The following HERPUD2 variants were observed in gnomAD, a reference collection of about 807,000 sequenced individuals.
HERPUD2 encodes homocysteine-responsive endoplasmic reticulum-resident ubiquitin-like domain member 2 protein.
A neutral mutation model predicts 49.9 loss-of-function variants in HERPUD2; 13 were observed. That is an observed-to-expected ratio of 0.26 (90% CI 0.17 to 0.41). The LOEUF is 0.41. HERPUD2 is among the 10% of genes least tolerant of loss of function. The probability of loss-of-function intolerance (pLI) is 1.00; values close to 1 mark genes in which losing one functional copy is unlikely to be tolerated. For missense variants in HERPUD2, 449 were observed against 492.2 expected (o/e 0.91, Z 0.83); for synonymous variants, 172 against 171.4 (o/e 1.00, Z -0.03).
chr7:35,644,043 T>C (rs1785009293), intron 5 of HERPUD2, among the ~76,000 whole-genome samples: 1 of 152,138 alleles, frequency 6.6e-6, no homozygotes, highest in Non-Finnish European at 1.5e-5. Context: ...CATAAGCATA[T>C]ATACATACAA....
chr7:35,645,949 G>A (rs866232041), intron 5 of HERPUD2, among the ~76,000 whole-genome samples: 2 of 152,080 alleles, frequency 1.3e-5, no homozygotes, highest in South Asian at 4.1e-4. Flanking sequence ...CCACTCACAT[G>A]TATTACCTCT....
intron 5 of HERPUD2, among the ~76,000 whole-genome samples, chr7:35,645,427 A>G (rs1419156876): frequency 6.6e-6 from 1 of 152,086 alleles, no homozygotes; most frequent in African/African-American, 2.4e-5. Flanking sequence ...ACAAAATAAA[A>G]ATAAAAACTA....
At chr7:35,689,164 T>A (rs1786129820) in intron 2 of HERPUD2, among the ~76,000 whole-genome samples, 1 of 152,180 alleles carries the variant, frequency 6.6e-6, no homozygotes, top group Non-Finnish European at 1.5e-5. Context: ...ATTACCTTCA[T>A]AATAATGTTA....
rs1334050707 is a variant in HERPUD2 at position 35,657,745 on chromosome 7, T to A, written c.494+9689A>T. On this transcript the variant is annotated intron_variant, in intron 5 of 8. Coordinates refer to ENST00000311350, the MANE Select transcript of HERPUD2 (RefSeq NM_022373.5). The stretch of plus-strand genomic sequence containing the variant: ...TAACACTGTGAAACCCCGTCTCTAC[T>A]AAAAAATACAAAAAAAAAAAAAAAT... Among the ~76,000 whole-genome samples, 11 of 140,316 alleles carry A rather than the reference T, an allele frequency of 7.8e-5. No homozygotes were observed. The South Asian group carries it at 1.1e-3, about 14-fold the overall frequency. 92.1% of individuals were successfully genotyped at this position (140,316 alleles called of 152,430 possible). A position where few individuals can be genotyped will look rare whatever the true frequency, so the allele number is the denominator to read the frequency against.
chr7:35,664,434 C>T (rs1251242672), intron 5 of HERPUD2, among the ~76,000 whole-genome samples: 4 of 152,128 alleles, frequency 2.6e-5, no homozygotes, highest in Admixed American at 6.5e-5. Flanking sequence ...TGAATGTTGG[C>T]CTGCCTCACT....
intron 2 of HERPUD2, among the ~76,000 whole-genome samples, chr7:35,688,433 T>C (rs954697399): frequency 6.6e-6 from 1 of 152,216 alleles, no homozygotes; most frequent in African/African-American, 2.4e-5. Flanking sequence ...TAGAGATATA[T>C]GATATTCACA....
rs1784898706 is a variant in HERPUD2 at position 35,638,005 on chromosome 7, A to G, written c.617+345T>C. ...AGCATATTAGCTGCACTTGAGCCCTACATAAGCTATGGCCTCCCTGACATG... is the reference window on the plus strand; with the variant it reads ...AGCATATTAGCTGCACTTGAGCCCTGCATAAGCTATGGCCTCCCTGACATG... On this transcript the variant is annotated intron_variant, in intron 6 of 8. Coordinates refer to ENST00000311350, the MANE Select transcript of HERPUD2 (RefSeq NM_022373.5). Among the ~76,000 whole-genome samples the G allele has an allele frequency of 2.6e-5, 4 of 152,378 alleles. No homozygotes were observed. In the South Asian group the frequency reaches 6.2e-4, roughly 24 times the overall value.
chr7:35,635,556 A>ATT (rs1784858409), intron 6 of HERPUD2, 98 bp from the exon 7 acceptor site: 11 of 992,586 alleles, frequency 1.1e-5, no homozygotes, highest in Non-Finnish European at 1.6e-5. Flanking sequence ...TTTTTCATAA[A>ATT]CCTAATATGG....
rs1017244655 is a variant in HERPUD2, at chr7:35,633,835, T to A, written c.1076A>T (p.Asp359Val). The change falls in exon 9 of 9, where the codon GAT becomes GTT. Residue 359 changes from aspartate to valine, a missense_variant. Physicochemically the swap from Asp to Val is radical, Grantham distance 152 (BLOSUM62 -3). Transcript: ENST00000311350. ...ELEEMERLMD[D>V]GLEDESGEDG... ...TTCTCCACTCTCATCTTCAAGCCCA[T>A]CATCCATAAGACGCTCCTTTCAAGC... 1.9e-6 allele frequency: 3 copies of A among 1,613,900 alleles called. No homozygotes were observed. The highest frequency in any genetic ancestry group is 2.5e-6 in the Non-Finnish European group (3 of 1,179,900).
intron 2 of HERPUD2, among the ~76,000 whole-genome samples, chr7:35,689,090 A>G (rs1786128563): frequency 6.6e-6 from 1 of 152,222 alleles, no homozygotes; most frequent in Non-Finnish European, 1.5e-5. Context: ...TATGTTAAAA[A>G]AAGAAACTTA....
rs191348830 is a variant in HERPUD2, at chr7:35,646,954, C to T, written c.495-8482G>A. ...AAATTCACTGAAACACATAAAATTA[C>T]TGGAGTACCTTAGAAATTATGAAAA... On this transcript the variant is annotated intron_variant, in intron 5 of 8. Transcript: ENST00000311350. Among the ~76,000 whole-genome samples the T allele has an allele frequency of 6.0e-5, 9 of 151,000 alleles. No individual in the cohort carries two copies. The East Asian group carries it at 1.5e-3, about 26-fold the overall frequency.
Position 35,694,268 on chromosome 7 carries a change from G to T in HERPUD2, c.63C>A (p.Tyr21Ter). 6.2e-7 allele frequency: 1 copy of T among 1,614,104 alleles called. No homozygotes were observed. Among genetic ancestry groups the T allele is most frequent in the Non-Finnish European group, 8.5e-7 (1 of 1,179,982 alleles). The change falls in exon 2 of 9, where the codon TAC (tyrosine) becomes TAA (stop). Residue 21 changes from tyrosine to a stop codon, truncating the protein, a stop_gained. Coordinates refer to ENST00000311350, the MANE Select transcript of HERPUD2 (RefSeq NM_022373.5). LOFTEE classifies it high-confidence loss of function. ...TLIIKAPNQKYSDQTISCFLN... is the reference protein window; with the variant it reads ...TLIIKAPNQK ...AGAAGCAGCTAATAGTCTGGTCACTGTATTTCTGATTCGGTGCTTTAATGA... is the reference window on the plus strand; with the variant it reads ...AGAAGCAGCTAATAGTCTGGTCACTTTATTTCTGATTCGGTGCTTTAATGA...
intron 5 of HERPUD2, among the ~76,000 whole-genome samples, chr7:35,651,933 A>AT (rs1785177097): frequency 1.3e-5 from 2 of 152,190 alleles, no homozygotes; most frequent in African/African-American, 4.8e-5. Flanking sequence ...AGGCTTAGAG[A>AT]TAAAAACTTC....
At chr7:35,657,406 T>C (rs1212923763) in intron 5 of HERPUD2, among the ~76,000 whole-genome samples, 2 of 152,128 alleles carry the variant, frequency 1.3e-5, no homozygotes, top group East Asian at 3.9e-4. Context: ...TATACACTGT[T>C]GGTAGGAATG....
At chr7:35,643,450 G>C (rs1784999388) in intron 5 of HERPUD2, among the ~76,000 whole-genome samples, 1 of 152,174 alleles carries the variant, frequency 6.6e-6, no homozygotes, top group Non-Finnish European at 1.5e-5. Context: ...GAATTAGTAT[G>C]CGGCTATAAA....
intron 2 of HERPUD2, among the ~76,000 whole-genome samples, chr7:35,683,676 G>A (rs547555399): frequency 6.6e-6 from 1 of 152,162 alleles, no homozygotes; most frequent in East Asian, 1.9e-4. Context: ...ATCTAACAAA[G>A]GACTAATATC....
chr7:35,659,933 G>A (rs1298426537), intron 5 of HERPUD2, among the ~76,000 whole-genome samples: 1 of 150,708 alleles, frequency 6.6e-6, no homozygotes, highest in Non-Finnish European at 1.5e-5. Context: ...TTCACAACAT[G>A]CAGGTTACAT....
At chr7:35,686,126 G>C (rs2116037562) in intron 2 of HERPUD2, among the ~76,000 whole-genome samples, 1 of 152,052 alleles carries the variant, frequency 6.6e-6, no homozygotes, top group South Asian at 2.1e-4. Context: ...AACTCAATTT[G>C]ACTTGTAAAA....
At chr7:35,662,745 T>C (rs2115931771) in intron 5 of HERPUD2, among the ~76,000 whole-genome samples, 1 of 152,348 alleles carries the variant, frequency 6.6e-6, no homozygotes, top group East Asian at 1.9e-4. Flanking sequence ...ATTGTGTCTA[T>C]TTGATTCTTC....
Sources: gnomAD v4.1 joint callset for allele counts (sites outside exome capture counted in the v4.1 genomes callset) on GRCh38, gnomAD v4.1.1 for gene constraint, MANE v1.5 for transcripts, NCBI Gene and HGNC (gene_info 2026-07-23, HGNC 2026-07-21) for gene names.